SLC22A23: variants seen among roughly 807,000 people sequenced by gnomAD.
SLC22A23 encodes solute carrier family 22 member 23.
SLC22A23 carries 26 observed loss-of-function variants against 61.0 expected under a neutral mutation model. The observed-to-expected ratio is 0.43, with a 90% CI of 0.31 to 0.59. SLC22A23 has a LOEUF of 0.59. Among genes scored for constraint, SLC22A23 ranks in the 20% least tolerant of loss-of-function variants. The probability of loss-of-function intolerance (pLI) is 0.11; values close to 1 mark genes in which losing one functional copy is unlikely to be tolerated. For missense variants in SLC22A23, 796 were observed against 934.7 expected, an observed-to-expected ratio of 0.85 and a Z score of 1.94; for synonymous variants, 430 against 413.9, an observed-to-expected ratio of 1.04 and a Z score of -0.47.
Position 3,271,771 on chromosome 6 carries a change from T to C in SLC22A23, c.*1284A>G, listed in dbSNP as rs1758491580. Reference sequence around the variant, plus strand: ...AAATGCCAAGAGGAAACCTCCACTTTCTGGGGTGAAACGAGGAACACGAAG... The same window carrying C: ...AAATGCCAAGAGGAAACCTCCACTTCCTGGGGTGAAACGAGGAACACGAAG... On this transcript the variant is annotated 3_prime_UTR_variant, in exon 10 of 10. Transcript: ENST00000406686. 1 of 152,290 alleles carries C rather than the reference T, an allele frequency of 6.6e-6. No homozygotes were observed. Among genetic ancestry groups the C allele is most frequent in the Admixed American group, 6.5e-5 (1 of 15,280 alleles). 9.4% of individuals were successfully genotyped at this position (152,290 alleles called of 1,614,324 possible). A position where few individuals can be genotyped will look rare whatever the true frequency, so the allele number is the denominator to read the frequency against.
chr6:3,450,446 A>G (rs1276071383), intron 1 of SLC22A23, among the ~76,000 whole-genome samples: 13 of 152,166 alleles, frequency 8.5e-5, no homozygotes, highest in Admixed American at 8.5e-4. Flanking sequence ...AGCTGGGAAT[A>G]CAGACGTAAA....
chr6:3,321,547 GCCTATCACTAAA>G (rs1377071175), intron 4 of SLC22A23, among the ~76,000 whole-genome samples: 2 of 151,928 alleles, frequency 1.3e-5, no homozygotes, highest in African/African-American at 4.8e-5. Flanking sequence ...GCCTTACCTT[GCCTATCACTAAA>G]CCTCAATATG....
intron 1 of SLC22A23, among the ~76,000 whole-genome samples, chr6:3,443,280 A>G (rs1771712642): frequency 6.6e-6 from 1 of 152,186 alleles, no homozygotes; most frequent in African/African-American, 2.4e-5. Flanking sequence ...CCTGCGAATT[A>G]TGTAGCTGGC....
rs1175546208 is a variant in SLC22A23, at chr6:3,410,757, T to C, written c.759-415A>G. On this transcript the variant is annotated intron_variant, in intron 2 of 9. Coordinates refer to ENST00000406686, the MANE Select transcript of SLC22A23 (RefSeq NM_015482.2). The surrounding 1 kb of genome is among the most constrained non-coding windows in gnomAD (Gnocchi z 5.0). ...GGGATTGGATCAAAAGTCAACATGG[T>C]CACCAAGCAAAGCGGCTTTGTTTCC... Among the ~76,000 whole-genome samples, 1 of 152,180 alleles carries C rather than the reference T, an allele frequency of 6.6e-6. No individual in the cohort carries two copies. Among genetic ancestry groups the C allele is most frequent in the Non-Finnish European group, 1.5e-5 (1 of 68,032 alleles).
chr6:3,370,441 C>G (rs62391760), intron 3 of SLC22A23, among the ~76,000 whole-genome samples: 3 of 152,274 alleles, frequency 2.0e-5, no homozygotes, highest in Non-Finnish European at 2.9e-5. Flanking sequence ...GTGTCGAAAG[C>G]AAGGCTCACT....
At chr6:3,316,267 C>T (rs1762635110) in intron 4 of SLC22A23, among the ~76,000 whole-genome samples, 1 of 152,184 alleles carries the variant, frequency 6.6e-6, no homozygotes, top group Non-Finnish European at 1.5e-5. Context: ...AGGAATAAAT[C>T]CACCAACTCC....
chr6:3,303,922 CACA>C (rs1412700424), intron 4 of SLC22A23, among the ~76,000 whole-genome samples: 1 of 152,184 alleles, frequency 6.6e-6, no homozygotes, highest in African/African-American at 2.4e-5. Flanking sequence ...TTTAATGTAG[CACA>C]ACATCACTAT....
At chr6:3,280,526 C>T (rs1241394881) in intron 9 of SLC22A23, among the ~76,000 whole-genome samples, 16 of 111,582 alleles carry the variant, frequency 1.4e-4, no homozygotes, top group Admixed American at 2.5e-4. Flanking sequence ...GATGGAGTCT[C>T]GCTCTGTCGC....
At chr6:3,443,729 C>A (rs541588717) in intron 1 of SLC22A23, among the ~76,000 whole-genome samples, 2 of 152,298 alleles carry the variant, frequency 1.3e-5, no homozygotes, top group South Asian at 4.2e-4. Flanking sequence ...GCTCCAAAAC[C>A]TCCTTTCCCT....
intron 3 of SLC22A23, among the ~76,000 whole-genome samples, chr6:3,348,113 T>C (rs190327579): frequency 1.8e-4 from 27 of 152,356 alleles, no homozygotes; most frequent in Non-Finnish European, 3.7e-4. Context: ...GCTGTGTGTC[T>C]CCTGCTCTGG....
At chr6:3,313,921 G>C (rs1292012650) in intron 4 of SLC22A23, among the ~76,000 whole-genome samples, 1 of 152,174 alleles carries the variant, frequency 6.6e-6, no homozygotes, top group African/African-American at 2.4e-5. Flanking sequence ...CCCAGCTACA[G>C]GGGAGGCTGA....
At chr6:3,377,281 T>C (rs1179799191) in intron 3 of SLC22A23, among the ~76,000 whole-genome samples, 1 of 152,176 alleles carries the variant, frequency 6.6e-6, no homozygotes, top group Non-Finnish European at 1.5e-5. Flanking sequence ...AGTCTAGTAT[T>C]ATAGCCAGGG....
chr6:3,432,460 A>G, intron 1 of SLC22A23: 1 of 908,046 alleles, frequency 1.1e-6, no homozygotes, highest in South Asian at 5.0e-5. Flanking sequence ...CTGTAAAACC[A>G]GGCAGAGGGA....
At position 3,360,770 on chromosome 6, in the gene SLC22A23, T is replaced by C. The variant is rs1055625032; in HGVS notation, c.914-36768A>G. 1.3e-5 allele frequency among the ~76,000 whole-genome samples: 2 copies of C among 152,192 alleles called. No individual in the cohort carries two copies. The highest frequency in any genetic ancestry group is 2.9e-5 in the Non-Finnish European group (2 of 68,022). On this transcript the variant is annotated intron_variant, in intron 3 of 9. Transcript: ENST00000406686. The surrounding 1 kb of genome is among the most constrained non-coding windows in gnomAD (Gnocchi z 4.6). ...CACGACAGGTGTGCAGGCACCCCCA[T>C]GCAGACGGGCCCCTCTGATGGAGAC...
chr6:3,345,200 G>A (rs888079806), intron 3 of SLC22A23, among the ~76,000 whole-genome samples: 7 of 152,084 alleles, frequency 4.6e-5, no homozygotes, highest in Admixed American at 4.6e-4. Flanking sequence ...GCACACAGAG[G>A]TGTCTGAATA....
chr6:3,290,112 G>A (rs1452585917), intron 5 of SLC22A23: 1 of 554,892 alleles, frequency 1.8e-6, no homozygotes, highest in African/African-American at 1.9e-5. Context: ...TGCACCGTCA[G>A]CAGAAGTTTC....
At chr6:3,290,231 G>A (rs1581621721) in intron 5 of SLC22A23, 1 of 326,778 alleles carries the variant, frequency 3.1e-6, no homozygotes, top group Non-Finnish European at 5.9e-6. Context: ...GGTTACTGAG[G>A]CACTCATTAG....
chr6:3,349,500 G>A (rs942586955), intron 3 of SLC22A23, among the ~76,000 whole-genome samples: 1 of 152,122 alleles, frequency 6.6e-6, no homozygotes, highest in Non-Finnish European at 1.5e-5. Context: ...TCCCCTGCAG[G>A]CCCTGAATTA....
In SLC22A23 at chr6:3,329,607, G is replaced by T. The variant is rs1763472729; in HGVS notation, c.914-5605C>A. ...GTTAGATTCCTCCCCGGCCTCTGCT[G>T]GGCGGTGTGAAGTTACTCAGCCGCT... On this transcript the variant is annotated intron_variant, in intron 3 of 9. Coordinates refer to ENST00000406686, the MANE Select transcript of SLC22A23 (RefSeq NM_015482.2). This position sits in a 1 kb window ranked among gnomAD's most constrained non-coding sequence, Gnocchi z 4.8. 6.6e-6 allele frequency among the ~76,000 whole-genome samples: 1 copy of T among 152,216 alleles called. No individual in the cohort carries two copies. The highest frequency in any genetic ancestry group is 6.5e-5 in the Admixed American group (1 of 15,284).
Sources: gnomAD v4.1 joint callset for allele counts (sites outside exome capture counted in the v4.1 genomes callset) on GRCh38, gnomAD v4.1.1 for gene constraint, Gnocchi (gnomAD v3.1) non-coding constraint, MANE v1.5 for transcripts, NCBI Gene and HGNC (gene_info 2026-07-23, HGNC 2026-07-21) for gene names.